Variants in MBOAT2 observed in about 807,000 individuals in gnomAD.
The protein encoded by MBOAT2 is membrane bound glycerophospholipid O-acyltransferase 2.
In MBOAT2, 28 loss-of-function variants were observed where a neutral mutation model predicts 63.4. The observed-to-expected ratio is 0.44, with a 90% confidence interval of 0.33 to 0.61. MBOAT2 has a LOEUF of 0.61. MBOAT2 is among the 20% of genes least tolerant of loss of function. The pLI is 0.03. For missense variants in MBOAT2, 470 were observed against 605.8 expected (o/e 0.78, Z 2.35); for synonymous variants, 211 against 215.6 (o/e 0.98, Z 0.19).
intron 1 of MBOAT2, among the ~76,000 whole-genome samples, chr2:8,977,050 A>T (rs566589303): frequency 4.1e-4 from 63 of 152,232 alleles, no homozygotes; most frequent in African/African-American, 1.5e-3. Context: ...AGGGAGAGGC[A>T]GGAGGGAGAC....
At chr2:8,901,371 C>T (rs1456829400) in intron 4 of MBOAT2, among the ~76,000 whole-genome samples, 1 of 151,954 alleles carries the variant, frequency 6.6e-6, no homozygotes, top group East Asian at 1.9e-4. Context: ...CAAAAACGTG[C>T]ACCCTTGCCT....
rs1477238157 is a variant in MBOAT2 at position 8,862,370 on chromosome 2, A to T, written c.1185+220T>A. On this transcript the variant is annotated intron_variant, in intron 11 of 12. Coordinates refer to ENST00000305997, the MANE Select transcript of MBOAT2 (RefSeq NM_138799.4). This position sits in a 1 kb window ranked among gnomAD's most constrained non-coding sequence, Gnocchi z 4.3. ...TGTGAGTGCCTCCTACCTGCCGGGCACATAGAAACGTGTTTTCTCCTCACA... is the reference window on the plus strand; with the variant it reads ...TGTGAGTGCCTCCTACCTGCCGGGCTCATAGAAACGTGTTTTCTCCTCACA... The T allele has an allele frequency of 6.9e-7, 1 of 1,443,218 alleles. No individual in the cohort carries two copies. Among genetic ancestry groups the T allele is most frequent in the Admixed American group, 2.1e-5 (1 of 46,512 alleles). 89.4% of individuals were successfully genotyped at this position (1,443,218 alleles called of 1,614,324 possible). A position where few individuals can be genotyped will look rare whatever the true frequency, so the allele number is the denominator to read the frequency against.
chr2:8,869,189 G>A (rs1359584783), intron 8 of MBOAT2, among the ~76,000 whole-genome samples: 1 of 151,510 alleles, frequency 6.6e-6, no homozygotes, highest in Non-Finnish European at 1.5e-5. Flanking sequence ...TGGGACTGCA[G>A]GTGCACATCA....
Position 8,855,946 on chromosome 2 carries a change from C to T in MBOAT2, c.*2733G>A, listed in dbSNP as rs1387465444. The T allele has an allele frequency of 6.6e-6, 1 of 152,002 alleles. No individual in the cohort carries two copies. The highest frequency in any genetic ancestry group is 1.9e-4 in the East Asian group (1 of 5,194). 9.4% of individuals were successfully genotyped at this position (152,002 alleles called of 1,614,324 possible). ...AAAGCAAGCACATAATACAACGAAT[C>T]CCCTTTCTATTTAACAGGAGTAGAC... On this transcript the variant is annotated 3_prime_UTR_variant, in exon 13 of 13. Coordinates refer to ENST00000305997, the MANE Select transcript of MBOAT2 (RefSeq NM_138799.4).
intron 2 of MBOAT2, among the ~76,000 whole-genome samples, chr2:8,951,778 T>A (rs1573147809): frequency 2.0e-5 from 3 of 152,338 alleles, no homozygotes; most frequent in Non-Finnish European, 2.9e-5. Flanking sequence ...AGTTGTAATG[T>A]CACCTTTGTC....
intron 1 of MBOAT2, among the ~76,000 whole-genome samples, chr2:8,977,289 T>G (rs2103326482): frequency 6.6e-6 from 1 of 152,274 alleles, no homozygotes. Context: ...TGCAATGTGA[T>G]TGAGATTACT....
chr2:8,970,937 A>G (rs920153323), intron 1 of MBOAT2, among the ~76,000 whole-genome samples: 2 of 152,236 alleles, frequency 1.3e-5, no homozygotes, highest in Admixed American at 6.5e-5. Flanking sequence ...TACCGGAGGT[A>G]CAAGGAGGAA....
chr2:9,001,789 A>G (rs1270851460), intron 1 of MBOAT2, among the ~76,000 whole-genome samples: 3 of 152,246 alleles, frequency 2.0e-5, no homozygotes, highest in Non-Finnish European at 4.4e-5. Context: ...AGGTATTATT[A>G]GCATAGTCAA....
In MBOAT2 at chr2:8,938,731, C is replaced by T. The variant is rs528134113; in HGVS notation, c.299+4456G>A. The stretch of plus-strand genomic sequence containing the variant: ...TTTCATGCTGCCATGTTTCATGCCA[C>T]CGTTGTCTCATGCCGCCACATTTCA... On this transcript the variant is annotated intron_variant, in intron 3 of 12. Coordinates refer to ENST00000305997, the MANE Select transcript of MBOAT2 (RefSeq NM_138799.4). Among the ~76,000 whole-genome samples, 9 of 149,114 alleles carry T rather than the reference C, an allele frequency of 6.0e-5. No individual in the cohort carries two copies. The East Asian group carries it at 1.8e-3, about 29-fold the overall frequency.
intron 4 of MBOAT2, among the ~76,000 whole-genome samples, chr2:8,901,198 C>T (rs914072565): frequency 6.6e-6 from 1 of 151,664 alleles, no homozygotes; most frequent in Non-Finnish European, 1.5e-5. Flanking sequence ...CTCACCGATG[C>T]AGCAGCAGAA....
intron 6 of MBOAT2, among the ~76,000 whole-genome samples, chr2:8,881,948 A>G (rs915681177): frequency 1.1e-4 from 17 of 152,214 alleles, no homozygotes; most frequent in African/African-American, 4.1e-4. Context: ...ATTAGTTGAG[A>G]TAGACACTGT....
At position 8,954,948 on chromosome 2, in the gene MBOAT2, C is replaced by T. The variant is rs1176398956; in HGVS notation, c.221+3549G>A. On this transcript the variant is annotated intron_variant, in intron 2 of 12. Transcript: ENST00000305997. ...CAACAATGACACAGGTGGATCAGTT[C>T]CAGGTCGCCAAGCTGGCCTTGGCTG... Among the ~76,000 whole-genome samples, 3 of 152,310 alleles carry T rather than the reference C, an allele frequency of 2.0e-5. No homozygotes were observed. The East Asian group carries it at 5.8e-4, about 29-fold the overall frequency.
intron 3 of MBOAT2, among the ~76,000 whole-genome samples, chr2:8,937,976 G>T (rs549040581): frequency 6.6e-6 from 1 of 152,110 alleles, no homozygotes; most frequent in Admixed American, 6.6e-5. Context: ...TGCCACCACG[G>T]TGCTGAATTT....
intron 1 of MBOAT2, among the ~76,000 whole-genome samples, chr2:8,982,765 G>GACAC (rs1326211995): frequency 9.2e-5 from 14 of 152,160 alleles, no homozygotes; most frequent in African/African-American, 3.4e-4. Context: ...TGTACCAGGT[G>GACAC]CTAGAGATGC....
At chr2:8,896,726 G>A (rs1664505275) in intron 4 of MBOAT2, among the ~76,000 whole-genome samples, 1 of 152,184 alleles carries the variant, frequency 6.6e-6, no homozygotes, top group African/African-American at 2.4e-5. Context: ...TCACACGTTT[G>A]AGCAGACCAA....
intron 12 of MBOAT2, among the ~76,000 whole-genome samples, chr2:8,859,701 A>G (rs796398546): frequency 3.3e-5 from 5 of 152,376 alleles, no homozygotes; most frequent in African/African-American, 1.2e-4. Flanking sequence ...AATTTATAAA[A>G]GAATAAAGTT....
intron 4 of MBOAT2, among the ~76,000 whole-genome samples, chr2:8,892,930 C>A (rs1664112539): frequency 6.6e-6 from 1 of 151,842 alleles, no homozygotes. Context: ...CTCTGCAGAG[C>A]GAGGACACAG....
At chr2:8,882,684 G>T in intron 5 of MBOAT2, 119 bp from the exon 6 acceptor site, 2 of 867,152 alleles carry the variant, frequency 2.3e-6, no homozygotes, top group East Asian at 2.6e-5. Flanking sequence ...TCCTAATTTT[G>T]ATATAATGAC....
At position 8,879,367 on chromosome 2, in the gene MBOAT2, C is replaced by G. The variant is rs1170060087; in HGVS notation, c.507-2154G>C. Among the ~76,000 whole-genome samples, 5 of 152,136 alleles carry G rather than the reference C, an allele frequency of 3.3e-5. No homozygotes were observed. The East Asian group carries it at 9.6e-4, about 29-fold the overall frequency. On this transcript the variant is annotated intron_variant, in intron 6 of 12. Transcript: ENST00000305997. Reference sequence around the variant, plus strand: ...GCAAGGACAGGAGATAGTTCTAAACCATGAAACTGGCTTAAGTAATTTTTG... The same window carrying G: ...GCAAGGACAGGAGATAGTTCTAAACGATGAAACTGGCTTAAGTAATTTTTG...
Sources: gnomAD v4.1 joint callset for allele counts (sites outside exome capture counted in the v4.1 genomes callset) on GRCh38, gnomAD v4.1.1 for gene constraint, Gnocchi (gnomAD v3.1) non-coding constraint, MANE v1.5 for transcripts, NCBI Gene and HGNC (gene_info 2026-07-23, HGNC 2026-07-21) for gene names.